METTL23: variants seen among roughly 807,000 people sequenced by gnomAD.
METTL23 encodes the protein methyltransferase 23, arginine, also known as histone-arginine methyltransferase METTL23.
A neutral mutation model predicts 21.2 loss-of-function variants in METTL23; 24 were observed. The observed-to-expected ratio is 1.13, with a 90% CI of 0.82 to 1.59. The LOEUF is 1.59. METTL23 is among the 40% of genes most tolerant of loss of function. METTL23 has a pLI of 0.00. For missense variants in METTL23, 276 were observed against 221.4 expected (o/e 1.25, Z -1.57); for synonymous variants, 97 against 75.2 (o/e 1.29, Z -1.50).
At position 76,727,658 on chromosome 17, in the gene METTL23, A is replaced by G. The variant is rs1259285490; in HGVS notation, c.-22+480A>G. Among the ~76,000 whole-genome samples, 5 of 152,248 alleles carry G rather than the reference A, an allele frequency of 3.3e-5. 1 individual carries two copies. The highest frequency in any genetic ancestry group is 3.8e-4 in the East Asian group (2 of 5,200). On this transcript the variant is annotated intron_variant, in intron 1 of 4. Transcript: ENST00000341249. The stretch of plus-strand genomic sequence containing the variant: ...GGTTTCCAGTTTTATTTGGTGCCCA[A>G]AGTGTTTCTTGGGTTGGACCTCGCT...
In METTL23 at chr17:76,728,412, A is replaced by ATTTGTTTCT. The variant is rs1463836132; in HGVS notation, c.-22+1237_-22+1238insGTTTCTTTT. ...CACCACACCCAATCTGGCTTCACGGATTTTTTTTTTTTTTTTTGGAGATGG... is the reference window on the plus strand; with the variant it reads ...CACCACACCCAATCTGGCTTCACGGATTTGTTTCTTTTTTTTTTTTTTTTTTGGAGATGG... On this transcript the variant is annotated intron_variant, in intron 1 of 4. Transcript: ENST00000341249. 2.7e-4 allele frequency among the ~76,000 whole-genome samples: 4 copies of ATTTGTTTCT among 14,760 alleles called. 1 individual carries two copies. Among genetic ancestry groups the ATTTGTTTCT allele is most frequent in the African/African-American group, 3.5e-4 (4 of 11,372 alleles). 9.7% of individuals were successfully genotyped at this position (14,760 alleles called of 152,430 possible).
chr17:76,730,770 C>T (rs1031196622), intron 2 of METTL23, among the ~76,000 whole-genome samples: 3 of 151,798 alleles, frequency 2.0e-5, no homozygotes, highest in African/African-American at 4.8e-5. Context: ...GAGTTCAAGA[C>T]CAGCCTGGCC....
chr17:76,728,623 C>A (rs2077067089), intron 1 of METTL23, among the ~76,000 whole-genome samples: 1 of 151,724 alleles, frequency 6.6e-6, no homozygotes, highest in African/African-American at 2.4e-5. Flanking sequence ...GTTGGCCAAG[C>A]TGATCTTGAA....
At chr17:76,732,538 G>A (rs1376308842) in intron 2 of METTL23, 1 of 172,246 alleles carries the variant, frequency 5.8e-6, no homozygotes, top group Admixed American at 5.6e-5. Context: ...AGTTACTCAG[G>A]AGGCTGAGGC....
upstream of METTL23, among the ~76,000 whole-genome samples, chr17:76,726,166 C>T (rs2076927365): frequency 6.6e-6 from 1 of 152,246 alleles, no homozygotes; most frequent in South Asian, 2.1e-4. Flanking sequence ...GGCCACAGCA[C>T]GGGAGGAAGC....
intron 2 of METTL23, among the ~76,000 whole-genome samples, chr17:76,731,196 A>G (rs1186066939): frequency 6.6e-6 from 1 of 152,108 alleles, no homozygotes; most frequent in African/African-American, 2.4e-5. Flanking sequence ...AATCGCCTGA[A>G]CCCAGGAGGT....
At chr17:76,730,500 C>G (rs2077157200) in intron 2 of METTL23, among the ~76,000 whole-genome samples, 1 of 152,110 alleles carries the variant, frequency 6.6e-6, no homozygotes, top group Non-Finnish European at 1.5e-5. Context: ...TATTGACTCT[C>G]TAGCCCTTTA....
At chr17:76,730,853 C>T (rs2077174083) in intron 2 of METTL23, among the ~76,000 whole-genome samples, 1 of 152,150 alleles carries the variant, frequency 6.6e-6, no homozygotes, top group African/African-American at 2.4e-5. Flanking sequence ...CCTGTAATCC[C>T]AGCACTTTGG....
chr17:76,729,148 T>C (rs963813203), intron 1 of METTL23, among the ~76,000 whole-genome samples: 1 of 150,668 alleles, frequency 6.6e-6, no homozygotes, highest in Non-Finnish European at 1.5e-5. Flanking sequence ...TGGAGTGCAG[T>C]GGCGCAGTCT....
intron 2 of METTL23, among the ~76,000 whole-genome samples, chr17:76,731,987 C>T (rs2077225139): frequency 6.6e-6 from 1 of 152,216 alleles, no homozygotes; most frequent in South Asian, 2.1e-4. Context: ...ACTGGAAAAT[C>T]TTTACTAGAA....
upstream of METTL23, chr17:76,726,280 A>C (rs2076930853): frequency 3.3e-6 from 5 of 1,499,202 alleles, no homozygotes; most frequent in South Asian, 5.0e-5. Context: ...CCTCGGGCCC[A>C]GAGAAAGGTG....
At chr17:76,731,699 C>T (rs1046397996) in intron 2 of METTL23, among the ~76,000 whole-genome samples, 14 of 152,326 alleles carry the variant, frequency 9.2e-5, no homozygotes, top group Middle Eastern at 6.8e-3. Flanking sequence ...TAGACTTTCA[C>T]ACCATACTTA....
At chr17:76,730,221 G>T (rs964677727) in intron 2 of METTL23, among the ~76,000 whole-genome samples, 2 of 151,928 alleles carry the variant, frequency 1.3e-5, no homozygotes, top group Non-Finnish European at 2.9e-5. Context: ...CCCTGGAGGC[G>T]GAGGTTACAG....
At chr17:76,727,608 A>G (rs187624665) in intron 1 of METTL23, among the ~76,000 whole-genome samples, 5 of 151,992 alleles carry the variant, frequency 3.3e-5, no homozygotes, top group Admixed American at 1.3e-4. Flanking sequence ...CTTATCTCTC[A>G]CTTTTGTGTG....
intron 2 of METTL23, among the ~76,000 whole-genome samples, chr17:76,730,208 G>A (rs2077143373): frequency 6.6e-6 from 1 of 151,716 alleles, no homozygotes. Context: ...AGAATTGCTT[G>A]AACCCTGGAG....
At chr17:76,733,445 A>G (rs932404322) in intron 4 of METTL23, 68 bp downstream of exon 4, 7 of 1,598,484 alleles carry the variant, frequency 4.4e-6, no homozygotes, top group Non-Finnish European at 5.1e-6. Context: ...CATGCGATAC[A>G]TAATTTAAGA....
chr17:76,733,371 T>A lies in METTL23; in HGVS notation c.401T>A (p.Val134Asp). 1 of 1,613,798 alleles carries A rather than the reference T, an allele frequency of 6.2e-7. No homozygotes were observed. The highest frequency in any genetic ancestry group is 8.5e-7 in the Non-Finnish European group (1 of 1,179,782). ...PKVQLWSTYQ[V>D]RSADWSLEAL... is the part of the protein sequence containing the mutation. ...GTCCAATTGTGGTCTACTTATCAAGTTAGGAGGCAAGTATGGATGACCCTT... is the reference window on the plus strand; with the variant it reads ...GTCCAATTGTGGTCTACTTATCAAGATAGGAGGCAAGTATGGATGACCCTT... The change falls in exon 4 of 5, where the codon GTT becomes GAT. Residue 134 changes from valine to aspartate, a missense_variant. Physicochemically the swap from Val to Asp is radical, Grantham distance 152. Transcript: ENST00000341249.
upstream of METTL23, chr17:76,726,367 G>C: frequency 6.3e-7 from 1 of 1,596,222 alleles, no homozygotes; most frequent in Non-Finnish European, 8.5e-7. Flanking sequence ...GCCGGGCTCA[G>C]CGAGAAGCTC....
At position 76,733,340 on chromosome 17, in the gene METTL23, C is replaced by G; in HGVS notation, c.370C>G (p.Pro124Ala). ...ATIYFLMHKN[P>A]KVQLWSTYQV... is the part of the protein sequence containing the mutation. ...AATATATTTTTTGATGCACAAGAAT[C>G]CCAAGGTCCAATTGTGGTCTACTTA... is the stretch of plus-strand genomic sequence containing the variant. The change falls in exon 4 of 5, where the codon CCC (proline) becomes GCC (alanine). Residue 124 changes from proline to alanine, a missense_variant. Pro to Ala is a conservative substitution (Grantham distance 27). Coordinates refer to ENST00000341249, the MANE Select transcript of METTL23 (RefSeq NM_001080510.5). The G allele has an allele frequency of 6.2e-7, 1 of 1,613,918 alleles. No homozygotes were observed. The highest frequency in any genetic ancestry group is 8.5e-7 in the Non-Finnish European group (1 of 1,179,878).
Sources: gnomAD v4.1 joint callset for allele counts (sites outside exome capture counted in the v4.1 genomes callset) on GRCh38, gnomAD v4.1.1 for gene constraint, MANE v1.5 for transcripts, NCBI Gene and HGNC (gene_info 2026-07-23, HGNC 2026-07-21) for gene names.